NELL2: variants seen among roughly 807,000 people sequenced by gnomAD.
NELL2 encodes the protein neural EGFL like 2, also known as protein kinase C-binding protein NELL2.
In NELL2, 41 loss-of-function variants were observed where a neutral mutation model predicts 109.6. The ratio of observed to expected loss-of-function variants is 0.37; its 90% CI spans 0.29 to 0.49. The LOEUF is 0.49. Among genes scored for constraint, NELL2 ranks in the 20% least tolerant of loss-of-function variants. The pLI, the probability that NELL2 is intolerant of heterozygous loss-of-function variation, is 0.98. For missense variants in NELL2, 900 were observed against 1,008.3 expected (o/e 0.89, Z 1.45); for synonymous variants, 355 against 344.7 (o/e 1.03, Z -0.33).
chr12:44,853,240 T>C lies in NELL2; in HGVS notation c.184+21985A>G, dbSNP rs570571645. Among the ~76,000 whole-genome samples, 118 of 152,290 alleles carry C rather than the reference T, an allele frequency of 7.7e-4. 2 individuals are homozygous for C. Among genetic ancestry groups the C allele is most frequent in the Non-Finnish European group, 1.4e-3 (96 of 68,008 alleles). The stretch of plus-strand genomic sequence containing the variant: ...TTTATCATAGAAATTAATAATAAGC[T>C]TCAGAAAGATTTCAGTGAAGACAAT... On this transcript the variant is annotated intron_variant, in intron 2 of 19. Transcript: ENST00000429094.
At chr12:44,789,900 G>A (rs887660901) in intron 3 of NELL2, among the ~76,000 whole-genome samples, 24 of 152,106 alleles carry the variant, frequency 1.6e-4, no homozygotes, top group Admixed American at 9.2e-4. Flanking sequence ...CAAGGTCTTC[G>A]AATTAACCCA....
At chr12:44,563,142 A>G (rs1222742701) in intron 15 of NELL2, among the ~76,000 whole-genome samples, 2 of 152,264 alleles carry the variant, frequency 1.3e-5, no homozygotes, top group South Asian at 2.1e-4. Flanking sequence ...GGAGGGGAAC[A>G]TCACACACTG....
At chr12:44,654,120 C>G (rs1947401751) in intron 13 of NELL2, among the ~76,000 whole-genome samples, 2 of 152,190 alleles carry the variant, frequency 1.3e-5, no homozygotes, top group African/African-American at 4.8e-5. Flanking sequence ...CCACAGCTCT[C>G]TGCACATTTT....
intron 1 of NELL2, among the ~76,000 whole-genome samples, chr12:44,901,196 A>T (rs1318180279): frequency 6.6e-6 from 1 of 152,154 alleles, no homozygotes; most frequent in Non-Finnish European, 1.5e-5. Flanking sequence ...AAATAGACAC[A>T]ATAAAAAATG....
chr12:44,541,277 A>AG (rs1394155640), intron 15 of NELL2, among the ~76,000 whole-genome samples: 1 of 151,056 alleles, frequency 6.6e-6, no homozygotes, highest in Non-Finnish European at 1.5e-5. Context: ...GAAAAAAAAA[A>AG]GAAATAGAGA....
intron 2 of NELL2, among the ~76,000 whole-genome samples, chr12:44,821,069 A>G (rs1009036579): frequency 6.6e-6 from 1 of 151,526 alleles, no homozygotes; most frequent in Non-Finnish European, 1.5e-5. Flanking sequence ...ACACACACAC[A>G]CGTATATATA....
chr12:44,550,572 T>TAAAG (rs1476536983), intron 15 of NELL2, among the ~76,000 whole-genome samples: 2 of 150,344 alleles, frequency 1.3e-5, no homozygotes, highest in Non-Finnish European at 1.5e-5. Context: ...AATAAATAAA[T>TAAAG]AAATAAATAA....
chr12:44,807,574 A>G (rs1943045029), intron 3 of NELL2, among the ~76,000 whole-genome samples: 1 of 151,996 alleles, frequency 6.6e-6, no homozygotes, highest in Non-Finnish European at 1.5e-5. Flanking sequence ...AATTTTTAGC[A>G]AAGCCAAAAC....
chr12:44,754,881 A>G (rs1940814078), intron 9 of NELL2, among the ~76,000 whole-genome samples: 2 of 152,178 alleles, frequency 1.3e-5, no homozygotes, highest in African/African-American at 4.8e-5. Flanking sequence ...ATTTTTTTCC[A>G]TTAAGATTTA....
chr12:44,716,825 T>C (rs1938513995), intron 9 of NELL2, among the ~76,000 whole-genome samples: 2 of 151,992 alleles, frequency 1.3e-5, no homozygotes, highest in Admixed American at 1.3e-4. Context: ...AAAGGAAACA[T>C]TGTAAAAAAA....
At chr12:44,684,979 C>G (rs979624403) in intron 12 of NELL2, among the ~76,000 whole-genome samples, 9 of 152,070 alleles carry the variant, frequency 5.9e-5, no homozygotes, top group African/African-American at 1.9e-4. Flanking sequence ...TCCTTGTTGA[C>G]TTTCTGTCTC....
At chr12:44,615,975 G>A (rs377355098) in intron 13 of NELL2, among the ~76,000 whole-genome samples, 28 of 152,186 alleles carry the variant, frequency 1.8e-4, no homozygotes, top group African/African-American at 4.6e-4. Context: ...CCAATTGCCC[G>A]CACTTAAAAG....
intron 13 of NELL2, among the ~76,000 whole-genome samples, chr12:44,660,967 T>C (rs1025646766): frequency 6.6e-6 from 1 of 152,096 alleles, no homozygotes; most frequent in Non-Finnish European, 1.5e-5. Flanking sequence ...CAGCCAGCAC[T>C]AGGGAAAGGC....
chr12:44,614,682 C>T (rs1486712739), intron 13 of NELL2, among the ~76,000 whole-genome samples: 1 of 152,050 alleles, frequency 6.6e-6, no homozygotes, highest in Admixed American at 6.6e-5. Context: ...TTTTAAGATT[C>T]CATATCCAAC....
intron 1 of NELL2, among the ~76,000 whole-genome samples, chr12:44,884,270 A>G (rs957883312): frequency 3.9e-5 from 6 of 152,000 alleles, no homozygotes; most frequent in African/African-American, 1.5e-4. Context: ...GTTCACAATT[A>G]AGACACAACA....
intron 16 of NELL2, among the ~76,000 whole-genome samples, chr12:44,527,346 GAC>G (rs1286995989): frequency 1.3e-5 from 2 of 152,146 alleles, no homozygotes; most frequent in African/African-American, 4.8e-5. Flanking sequence ...CTCAGACAGA[GAC>G]AAAATTTTAG....
At chr12:44,755,052 A>G (rs1940823349) in intron 9 of NELL2, among the ~76,000 whole-genome samples, 2 of 152,106 alleles carry the variant, frequency 1.3e-5, no homozygotes, top group Non-Finnish European at 2.9e-5. Context: ...ATAACTACAC[A>G]CATCCCACCA....
chr12:44,787,640 A>T (rs559457788), intron 3 of NELL2, among the ~76,000 whole-genome samples: 1 of 152,340 alleles, frequency 6.6e-6, no homozygotes, highest in Non-Finnish European at 1.5e-5. Flanking sequence ...AATCAAGAAT[A>T]TACCCACACA....
intron 13 of NELL2, 60 bp from the exon 14 acceptor site, chr12:44,611,030 C>T: frequency 6.4e-7 from 1 of 1,556,014 alleles, no homozygotes; most frequent in East Asian, 2.3e-5. Context: ...ATATTTTAAA[C>T]TACACCTTCA....
Sources: gnomAD v4.1 joint callset for allele counts (sites outside exome capture counted in the v4.1 genomes callset) on GRCh38, gnomAD v4.1.1 for gene constraint, MANE v1.5 for transcripts, NCBI Gene and HGNC (gene_info 2026-07-23, HGNC 2026-07-21) for gene names.